GPD2: variants seen among roughly 807,000 people sequenced by gnomAD.
The protein encoded by GPD2 is glycerol-3-phosphate dehydrogenase, mitochondrial.
Under a neutral mutation model 82.4 loss-of-function variants are expected in GPD2, and 54 were observed. The ratio of observed to expected loss-of-function variants is 0.66; its 90% CI spans 0.53 to 0.82. The LOEUF is 0.82. GPD2 is among the 40% of genes least tolerant of loss of function. The pLI is 0.00. For missense variants in GPD2, 748 were observed against 896.2 expected, an observed-to-expected ratio of 0.83 and a Z score of 2.11; for synonymous variants, 288 against 306.1, an observed-to-expected ratio of 0.94 and a Z score of 0.62.
chr2:156,535,181 A>T (rs1446423362), intron 6 of GPD2, among the ~76,000 whole-genome samples: 2 of 152,086 alleles, frequency 1.3e-5, no homozygotes, highest in Non-Finnish European at 2.9e-5. Flanking sequence ...GAATGCAAAC[A>T]GCATTTGATA....
At chr2:156,407,141 G>A in the GPD2 span, among the ~76,000 whole-genome samples, 1 of 152,184 alleles carries the variant, frequency 6.6e-6, no homozygotes, top group African/African-American at 2.4e-5. Flanking sequence ...GAACCCAGGA[G>A]GTGGAGGTTG....
rs184241444 is a variant in GPD2, at chr2:156,481,815, T to G, written c.102+5608T>G. 2.0e-5 allele frequency among the ~76,000 whole-genome samples: 3 copies of G among 152,314 alleles called. No homozygotes were observed. The East Asian group carries it at 5.8e-4, about 29-fold the overall frequency. On this transcript the variant is annotated intron_variant, in intron 2 of 16. Transcript: ENST00000438166. ...TTTTTAATAACTGAATAGTATTCCA[T>G]CATGTATACATATACCACATTTTCT...
At chr2:156,512,836 T>C (rs369017748) in intron 5 of GPD2, among the ~76,000 whole-genome samples, 5 of 152,208 alleles carry the variant, frequency 3.3e-5, no homozygotes, top group African/African-American at 9.6e-5. Context: ...TTGCCTTACA[T>C]TGGAATTCAG....
intron 6 of GPD2, among the ~76,000 whole-genome samples, chr2:156,540,390 G>A (rs150196572): frequency 1.0e-3 from 159 of 152,254 alleles, no homozygotes; most frequent in African/African-American, 3.6e-3. Flanking sequence ...GTATCCCAGG[G>A]GACCGTTCTT....
intron 6 of GPD2, among the ~76,000 whole-genome samples, chr2:156,523,732 T>G (rs1160632606): frequency 6.6e-6 from 1 of 151,238 alleles, no homozygotes; most frequent in African/African-American, 2.4e-5. Flanking sequence ...TTTATGGAGA[T>G]GGGGTCTTGC....
chr2:156,439,521 A>AAAAAAAT (rs1682070487), intron 1 of GPD2, among the ~76,000 whole-genome samples: 1 of 87,848 alleles, frequency 1.1e-5, no homozygotes, highest in Non-Finnish European at 2.4e-5. Flanking sequence ...CAGAAAAAAA[A>AAAAAAAT]AAAAAAAAAA....
the GPD2 span, among the ~76,000 whole-genome samples, chr2:156,429,558 G>T: frequency 1.3e-5 from 2 of 152,160 alleles, no homozygotes; most frequent in East Asian, 3.8e-4. Flanking sequence ...TTAAATCTAA[G>T]TAAGTTTCTT....
chr2:156,583,121 C>A lies in GPD2; in HGVS notation c.*203C>A. 1.7e-6 allele frequency: 1 copy of A among 585,084 alleles called. No individual in the cohort carries two copies. 36.2% of individuals were successfully genotyped at this position (585,084 alleles called of 1,614,324 possible). The stretch of plus-strand genomic sequence containing the variant: ...TATTTGTATTTGCCATTCAGTCTAG[C>A]TTTTAAGTATATTTTTTTCTTTTTC... On this transcript the variant is annotated 3_prime_UTR_variant, in exon 17 of 17. Coordinates refer to ENST00000438166, the MANE Select transcript of GPD2 (RefSeq NM_000408.5).
At chr2:156,423,957 C>G in the GPD2 span, among the ~76,000 whole-genome samples, 5 of 152,176 alleles carry the variant, frequency 3.3e-5, no homozygotes, top group East Asian at 9.6e-4. Context: ...GCTTAGTTAC[C>G]AAAAGCCACG....
intron 6 of GPD2, among the ~76,000 whole-genome samples, chr2:156,543,025 T>G (rs1686382589): frequency 6.6e-6 from 1 of 152,300 alleles, no homozygotes; most frequent in South Asian, 2.1e-4. Context: ...CAAAAATATT[T>G]GTTAAAGACA....
chr2:156,527,748 T>C (rs1007860324), intron 6 of GPD2, among the ~76,000 whole-genome samples: 2 of 152,164 alleles, frequency 1.3e-5, no homozygotes, highest in Non-Finnish European at 1.5e-5. Context: ...ATGTCAAAGA[T>C]GATTAACATG....
At chr2:156,401,171 G>A in the GPD2 span, among the ~76,000 whole-genome samples, 1 of 152,072 alleles carries the variant, frequency 6.6e-6, no homozygotes, top group Non-Finnish European at 1.5e-5. Flanking sequence ...ATCGAACCCG[G>A]GCCTCCCGCG....
At chr2:156,434,041 A>C (rs965628586), upstream of GPD2, among the ~76,000 whole-genome samples, 21 of 152,224 alleles carry the variant, frequency 1.4e-4, no homozygotes, top group African/African-American at 4.8e-4. Flanking sequence ...TGTCAAACTA[A>C]AGAAAAAAGA....
chr2:156,575,096 G>T (rs949646927), intron 13 of GPD2, among the ~76,000 whole-genome samples: 1 of 152,172 alleles, frequency 6.6e-6, no homozygotes, highest in Non-Finnish European at 1.5e-5. Context: ...CAGAGAATTT[G>T]CAGTTAAGAT....
intron 2 of GPD2, among the ~76,000 whole-genome samples, chr2:156,494,818 T>G (rs4664822): frequency 6.6e-6 from 1 of 151,994 alleles, no homozygotes; most frequent in Non-Finnish European, 1.5e-5. Flanking sequence ...TGGCCAGTAC[T>G]GTTTGCTATA....
chr2:156,513,955 T>C (rs1685100894), intron 6 of GPD2, among the ~76,000 whole-genome samples: 1 of 152,218 alleles, frequency 6.6e-6, no homozygotes, highest in Non-Finnish European at 1.5e-5. Context: ...GAAATTGACA[T>C]GTTTGTATTT....
chr2:156,426,180 C>T, the GPD2 span, among the ~76,000 whole-genome samples: 2 of 152,178 alleles, frequency 1.3e-5, no homozygotes, highest in East Asian at 1.9e-4. Flanking sequence ...GCCTTGGCCT[C>T]CCAAAGTGCT....
intron 1 of GPD2, among the ~76,000 whole-genome samples, chr2:156,460,123 T>G (rs1479316831): frequency 1.3e-5 from 2 of 152,226 alleles, no homozygotes; most frequent in East Asian, 1.9e-4. Context: ...CCCAATTTTA[T>G]CTCAGACATT....
At chr2:156,474,475 G>A (rs1053625484) in intron 1 of GPD2, among the ~76,000 whole-genome samples, 7 of 152,086 alleles carry the variant, frequency 4.6e-5, no homozygotes, top group Non-Finnish European at 2.9e-5. Flanking sequence ...TGTAACGTGT[G>A]TTGTCCAGAC....
Sources: gnomAD v4.1 joint callset for allele counts (sites outside exome capture counted in the v4.1 genomes callset) on GRCh38, gnomAD v4.1.1 for gene constraint, MANE v1.5 for transcripts, NCBI Gene and HGNC (gene_info 2026-07-23, HGNC 2026-07-21) for gene names.